RBKS: variants seen among roughly 807,000 people sequenced by gnomAD.
RBKS encodes the protein ribokinase.
Under a neutral mutation model 33.9 loss-of-function variants are expected in RBKS, and 33 were observed. The observed-to-expected ratio is 0.97, with a 90% confidence interval of 0.74 to 1.30. RBKS has a LOEUF of 1.30. Among genes scored for constraint, RBKS ranks in the 50% most tolerant of loss-of-function variants. The pLI is 0.00. For missense variants in RBKS, 361 were observed against 392.6 expected (o/e 0.92, Z 0.68); for synonymous variants, 125 against 143.0 (o/e 0.87, Z 0.90).
intron 7 of RBKS, among the ~76,000 whole-genome samples, chr2:27,822,086 G>GAGA (rs532596206): frequency 5.3e-5 from 8 of 152,166 alleles, no homozygotes; most frequent in African/African-American, 1.7e-4. Context: ...AGAAGGAGAT[G>GAGA]AGAAGAAGAA....
rs1435778111 is a variant in RBKS at position 27,870,657 on chromosome 2, T to G, written c.90-12086A>C. ...GGTGACATTTTTTGGCTAGCCAGCA[T>G]TTCTCTATGGATGACATGGTGTGTA... is the stretch of plus-strand genomic sequence containing the variant. On this transcript the variant is annotated intron_variant, in intron 1 of 7. Coordinates refer to ENST00000302188, the MANE Select transcript of RBKS (RefSeq NM_022128.3). The G allele has an allele frequency of 5.0e-5, 19 of 380,904 alleles. No homozygotes were observed. The East Asian group carries it at 1.4e-3, about 28-fold the overall frequency. 23.6% of individuals were successfully genotyped at this position (380,904 alleles called of 1,614,324 possible).
intron 5 of RBKS, among the ~76,000 whole-genome samples, chr2:27,840,364 G>GCACA (rs70953891): frequency 0.015 from 1,986 of 130,110 alleles, 26 homozygotes; most frequent in Admixed American, 0.028. Flanking sequence ...ACGCGCGCGC[G>GCACA]CACACACACA....
intron 4 of RBKS, among the ~76,000 whole-genome samples, chr2:27,843,921 G>A (rs999803217): frequency 6.6e-6 from 1 of 152,128 alleles, no homozygotes; most frequent in Admixed American, 6.5e-5. Context: ...GTCCAACATG[G>A]TAGTCATGAG....
intron 7 of RBKS, among the ~76,000 whole-genome samples, chr2:27,789,958 T>TATAC (rs1677486557): frequency 7.3e-6 from 1 of 137,858 alleles, no homozygotes; most frequent in Admixed American, 7.3e-5. Flanking sequence ...TGTATATATA[T>TATAC]ATATATATAT....
chr2:27,785,693 T>C (rs1176015316), intron 7 of RBKS, among the ~76,000 whole-genome samples: 1 of 146,286 alleles, frequency 6.8e-6, no homozygotes, highest in African/African-American at 2.6e-5. Context: ...ACCTGGGAGA[T>C]GGAGGTTGCA....
chr2:27,814,361 A>T (rs1352578954), intron 7 of RBKS, among the ~76,000 whole-genome samples: 1 of 152,232 alleles, frequency 6.6e-6, no homozygotes, highest in Non-Finnish European at 1.5e-5. Context: ...CTAGGTGGTG[A>T]GTCAATGGAT....
intron 1 of RBKS, among the ~76,000 whole-genome samples, chr2:27,886,057 A>AGAG (rs1664521856): frequency 2.0e-5 from 3 of 152,206 alleles, no homozygotes; most frequent in African/African-American, 4.8e-5. Flanking sequence ...GTATCTTTGT[A>AGAG]ATGTGTAACT....
intron 7 of RBKS, among the ~76,000 whole-genome samples, chr2:27,794,106 C>A (rs1309393700): frequency 6.6e-6 from 1 of 151,900 alleles, no homozygotes; most frequent in East Asian, 1.9e-4. Context: ...TCAAGACCAT[C>A]CTGACTAACA....
intron 4 of RBKS, among the ~76,000 whole-genome samples, chr2:27,846,344 C>T (rs537813066): frequency 3.3e-5 from 5 of 152,322 alleles, no homozygotes; most frequent in Admixed American, 1.3e-4. Context: ...CACTCTGTCA[C>T]GCAGGCTGAA....
intron 5 of RBKS, among the ~76,000 whole-genome samples, chr2:27,836,579 T>C (rs1461592900): frequency 3.3e-5 from 5 of 152,160 alleles, no homozygotes; most frequent in Non-Finnish European, 7.3e-5. Flanking sequence ...TTTTTGACAC[T>C]GGCATTGGCA....
At chr2:27,882,888 G>GA (rs1455259749) in intron 1 of RBKS, among the ~76,000 whole-genome samples, 1 of 152,084 alleles carries the variant, frequency 6.6e-6, no homozygotes, top group Non-Finnish European at 1.5e-5. Context: ...AGAACACCTG[G>GA]ACACACAGAA....
At chr2:27,859,900 T>C (rs1165359207) in intron 1 of RBKS, among the ~76,000 whole-genome samples, 1 of 152,164 alleles carries the variant, frequency 6.6e-6, no homozygotes, top group Non-Finnish European at 1.5e-5. Flanking sequence ...TGCAACGGGA[T>C]GACATATAAC....
At chr2:27,807,997 TA>T (rs1325215531) in intron 7 of RBKS, among the ~76,000 whole-genome samples, 1 of 152,224 alleles carries the variant, frequency 6.6e-6, no homozygotes, top group African/African-American at 2.4e-5. Context: ...CTCTCTAATT[TA>T]CAGCAAATGC....
At chr2:27,827,055 T>C (rs1678326242) in intron 7 of RBKS, among the ~76,000 whole-genome samples, 1 of 152,210 alleles carries the variant, frequency 6.6e-6, no homozygotes. Context: ...ATGCAGTAAA[T>C]GTTAGCTGCT....
chr2:27,884,436 C>T (rs930491860), intron 1 of RBKS, among the ~76,000 whole-genome samples: 2 of 151,956 alleles, frequency 1.3e-5, no homozygotes, highest in African/African-American at 4.8e-5. Context: ...TTGCGGAGAC[C>T]GGGTTTTGCC....
In RBKS at chr2:27,837,803, C is replaced by T. The variant is rs1379287136; in HGVS notation, c.515-5026G>A. ...GTACGCATGGACAGAAAGATGGGAA[C>T]AACAGACACTACAGAGTACTGGAGC... On this transcript the variant is annotated intron_variant, in intron 5 of 7. Transcript: ENST00000302188. This position sits in a 1 kb window ranked among gnomAD's most constrained non-coding sequence, Gnocchi z 4.0. Among the ~76,000 whole-genome samples the T allele has an allele frequency of 6.6e-6, 1 of 152,230 alleles. No homozygotes were observed. Among genetic ancestry groups the T allele is most frequent in the East Asian group, 1.9e-4 (1 of 5,184 alleles).
chr2:27,815,212 T>TC (rs989703934), intron 7 of RBKS, among the ~76,000 whole-genome samples: 2 of 152,004 alleles, frequency 1.3e-5, no homozygotes, highest in East Asian at 1.9e-4. Context: ...TGGTTTTTTT[T>TC]CCCCCCTCTT....
intron 7 of RBKS, among the ~76,000 whole-genome samples, chr2:27,799,136 A>C (rs1461156017): frequency 1.3e-5 from 2 of 152,230 alleles, no homozygotes; most frequent in Admixed American, 1.3e-4. Flanking sequence ...TAGGAGGATG[A>C]CAATGGAACA....
Position 27,868,763 on chromosome 2 carries a change from A to G in RBKS, c.90-10192T>C, listed in dbSNP as rs143078228. On this transcript the variant is annotated intron_variant, in intron 1 of 7. Transcript: ENST00000302188. ...TATTTCAAATATCTTTGCATAGCCT[A>G]TTCTTTATGCCTGAAAGTTCTTTCC... 2.5e-3 allele frequency among the ~76,000 whole-genome samples: 388 copies of G among 152,240 alleles called. 3 individuals carry two copies. Among genetic ancestry groups the G allele is most frequent in the African/African-American group, 8.8e-3 (366 of 41,552 alleles).
Sources: gnomAD v4.1 joint callset for allele counts (sites outside exome capture counted in the v4.1 genomes callset) on GRCh38, gnomAD v4.1.1 for gene constraint, Gnocchi (gnomAD v3.1) non-coding constraint, MANE v1.5 for transcripts, NCBI Gene and HGNC (gene_info 2026-07-23, HGNC 2026-07-21) for gene names.